CPNE9: variants seen among roughly 807,000 people sequenced by gnomAD.
CPNE9 encodes the protein copine-9.
CPNE9 carries 59 observed loss-of-function variants against 83.0 expected under a neutral mutation model. The ratio of observed to expected loss-of-function variants is 0.71; its 90% CI spans 0.58 to 0.88. CPNE9 has a LOEUF of 0.88. Ranked by LOEUF, CPNE9 falls within the 40% of genes least tolerant of loss-of-function variation. The probability of loss-of-function intolerance (pLI) is 0.00; values close to 1 mark genes in which losing one functional copy is unlikely to be tolerated. For synonymous variants in CPNE9, 256 were observed against 273.4 expected, an observed-to-expected ratio of 0.94 and a Z score of 0.63; for missense variants, 619 against 720.8, an observed-to-expected ratio of 0.86 and a Z score of 1.62.
intron 4 of CPNE9, 53 bp downstream of exon 4, chr3:9,705,047 C>A: frequency 7.3e-7 from 1 of 1,363,340 alleles, no homozygotes; most frequent in Non-Finnish European, 1.0e-6. Context: ...TGGATCCGCC[C>A]GGAATTCTGG....
At chr3:9,705,568 C>T (rs1270853700) in intron 5 of CPNE9, 68 bp downstream of exon 5, 2 of 1,576,274 alleles carry the variant, frequency 1.3e-6, no homozygotes, top group Non-Finnish European at 1.7e-6. Flanking sequence ...CAACGACTCT[C>T]AGAACTCCTC....
At chr3:9,715,102 C>A (rs921704085) in intron 11 of CPNE9, 147 bp downstream of exon 11, 3 of 905,516 alleles carry the variant, frequency 3.3e-6, no homozygotes, top group African/African-American at 1.7e-5. Context: ...CAACTGATCC[C>A]CCCAATTGTC....
At position 9,704,112 on chromosome 3, in the gene CPNE9, C is replaced by A; in HGVS notation, c.68+48C>A. 2 of 1,549,952 alleles carry A rather than the reference C, an allele frequency of 1.3e-6. No individual in the cohort carries two copies. Among genetic ancestry groups the A allele is most frequent in the East Asian group, 4.8e-5 (2 of 41,758 alleles). ...GGCTTAGGCACTGGCACTGCCCCAG[C>A]CCCAGCCAGCCGCGGGGCTCAGCCT... On this transcript the variant is annotated intron_variant, in intron 1 of 20. Transcript: ENST00000383832. This position sits in a 1 kb window ranked among gnomAD's most constrained non-coding sequence, Gnocchi z 7.1.
At chr3:9,725,344 G>A (rs1319643911) in intron 17 of CPNE9, among the ~76,000 whole-genome samples, 1 of 151,898 alleles carries the variant, frequency 6.6e-6, no homozygotes, top group Non-Finnish European at 1.5e-5. Flanking sequence ...AGACCAGCCT[G>A]GCCAACATGG....
rs773004027 is a variant in CPNE9 at position 9,718,187 on chromosome 3, C to T, written c.1090C>T (p.Arg364Trp). Residue 364 changes from arginine (R) to tryptophan (W), a missense_variant, in exon 16 of 21, where the codon CGG (arginine) becomes TGG (tryptophan). Coordinates refer to ENST00000383832, the MANE Select transcript of CPNE9 (RefSeq NM_153635.3). ...TGGGGCCAAGCTGCCCCCAGAGGGA[C>T]GGATCTCCCACCAGTTCCCCCTGGT... ...GFGAKLPPEG[R>W]ISHQFPLNNN... 10 of 1,612,714 alleles carry T rather than the reference C, an allele frequency of 6.2e-6. No individual in the cohort carries two copies. In the East Asian group the frequency reaches 6.7e-5, roughly 11 times the overall value.
Position 9,725,075 on chromosome 3 carries a change from G to A in CPNE9, c.1242-874G>A, listed in dbSNP as rs755285272. 9.2e-5 allele frequency among the ~76,000 whole-genome samples: 14 copies of A among 152,170 alleles called. No individual in the cohort carries two copies. The South Asian group carries it at 1.7e-3, about 18-fold the overall frequency. ...CCTGGCCAGGATCCCCTCTGGTACC[G>A]TCATAGCAGTGTCCCTTCCATCACA... On this transcript the variant is annotated intron_variant, in intron 17 of 20. Coordinates refer to ENST00000383832, the MANE Select transcript of CPNE9 (RefSeq NM_153635.3).
chr3:9,712,783 A>G lies in CPNE9; in HGVS notation c.500A>G (p.Lys167Arg). 6.2e-7 allele frequency: 1 copy of G among 1,614,164 alleles called. No individual in the cohort carries two copies. Among genetic ancestry groups the G allele is most frequent in the Non-Finnish European group, 8.5e-7 (1 of 1,180,020 alleles). Residue 167 changes from lysine to arginine, a missense_variant, in exon 9 of 21, where the codon AAA becomes AGA. By Grantham distance (26) the Lys-to-Arg change is conservative. Around this residue, in one of 3 missense-constraint regions of CPNE9, gnomAD observed 438 missense variants for 562.9 expected, o/e 0.78. Coordinates refer to ENST00000383832, the MANE Select transcript of CPNE9 (RefSeq NM_153635.3). Reference protein sequence around the residue: ...NKLDKKDFFGKSDPFLVFYRS... With the variant: ...NKLDKKDFFGRSDPFLVFYRS... ...CTGGACAAGAAGGACTTCTTTGGGA[A>G]ATCAGACCCCTTCCTTGTGTTCTAC...
chr3:9,718,419 G>A, intron 16 of CPNE9, 56 bp from the exon 17 acceptor site: 2 of 1,571,428 alleles, frequency 1.3e-6, no homozygotes, highest in Non-Finnish European at 1.7e-6. Flanking sequence ...TGGAATCAGA[G>A]CACTCCTGCA....
intron 17 of CPNE9, 50 bp from the exon 18 acceptor site, chr3:9,725,899 C>T: frequency 7.1e-7 from 1 of 1,413,102 alleles, no homozygotes. Flanking sequence ...TAAGGTGTTC[C>T]CTTGGCCTGT....
chr3:9,711,474 C>T (rs1325905489), intron 7 of CPNE9, among the ~76,000 whole-genome samples: 1 of 152,142 alleles, frequency 6.6e-6, no homozygotes, highest in Non-Finnish European at 1.5e-5. Context: ...GCCTAGGCCT[C>T]CCAAAGTGCT....
intron 7 of CPNE9, among the ~76,000 whole-genome samples, chr3:9,711,522 C>T (rs1050798202): frequency 3.3e-5 from 5 of 152,068 alleles, no homozygotes; most frequent in African/African-American, 9.7e-5. Flanking sequence ...CAGCCGTAGG[C>T]GAATAGAACC....
At chr3:9,706,697 G>C (rs1419237238) in intron 7 of CPNE9, among the ~76,000 whole-genome samples, 1 of 152,220 alleles carries the variant, frequency 6.6e-6, no homozygotes. Context: ...AGAATCAACG[G>C]AACTGGAAAT....
rs193046404 is a variant in CPNE9 at position 9,713,940 on chromosome 3, G to A, written c.650+861G>A. Among the ~76,000 whole-genome samples the A allele has an allele frequency of 2.7e-3, 409 of 152,198 alleles. 1 individual carries two copies. The highest frequency in any genetic ancestry group is 9.3e-3 in the African/African-American group (386 of 41,508). On this transcript the variant is annotated intron_variant, in intron 10 of 20. Transcript: ENST00000383832. Reference sequence around the variant, plus strand: ...CAAAAAAAATTAGCCGGGCGTGGTGGTGGGCGCCTGTAGTTCCAGCTACTC... The same window carrying A: ...CAAAAAAAATTAGCCGGGCGTGGTGATGGGCGCCTGTAGTTCCAGCTACTC...
chr3:9,705,604 T>A, intron 5 of CPNE9, 104 bp downstream of exon 5: 1 of 1,562,226 alleles, frequency 6.4e-7, no homozygotes, highest in South Asian at 1.1e-5. Context: ...GACCCCATCT[T>A]CTTCAGGCCC....
chr3:9,718,345 G>A lies in CPNE9; in HGVS notation c.1114-130G>A, dbSNP rs567452906. The A allele has an allele frequency of 4.7e-4, 662 of 1,400,776 alleles. 1 individual carries two copies. The highest frequency in any genetic ancestry group is 5.9e-4 in the Non-Finnish European group (601 of 1,019,818). 86.8% of individuals were successfully genotyped at this position (1,400,776 alleles called of 1,614,324 possible). On this transcript the variant is annotated intron_variant, in intron 16 of 20. Coordinates refer to ENST00000383832, the MANE Select transcript of CPNE9 (RefSeq NM_153635.3). ...CTATGAGAGGATAGCAGAGCAGGGA[G>A]GGGAGCAGGGCTGGGTTTGGAGGGG... is the stretch of plus-strand genomic sequence containing the variant.
At chr3:9,723,976 G>C (rs1467399401) in intron 17 of CPNE9, among the ~76,000 whole-genome samples, 2 of 152,160 alleles carry the variant, frequency 1.3e-5, no homozygotes, top group African/African-American at 4.8e-5. Context: ...GGCCAATATG[G>C]TACTCACCAA....
At chr3:9,727,650 G>A (rs1232419641) in intron 20 of CPNE9, among the ~76,000 whole-genome samples, 3 of 152,170 alleles carry the variant, frequency 2.0e-5, no homozygotes, top group East Asian at 3.9e-4. Flanking sequence ...CCCGATCCAC[G>A]AAAAAGCAGA....
intron 7 of CPNE9, among the ~76,000 whole-genome samples, chr3:9,712,034 G>A (rs1339524354): frequency 6.6e-6 from 1 of 152,146 alleles, no homozygotes; most frequent in African/African-American, 2.4e-5. Flanking sequence ...TAGCAGAGCC[G>A]GAGAGAGCCA....
chr3:9,714,072 C>CAATAAATA (rs59251577), intron 10 of CPNE9, among the ~76,000 whole-genome samples: 3,157 of 148,968 alleles, frequency 0.021, 40 homozygotes, highest in African/African-American at 0.028. Flanking sequence ...GACTCCGTCT[C>CAATAAATA]AATAAATAAA....
Sources: gnomAD v4.1 joint callset for allele counts (sites outside exome capture counted in the v4.1 genomes callset) on GRCh38, gnomAD v4.1.1 for gene constraint, gnomAD v4.1.1 regional missense constraint, Gnocchi (gnomAD v3.1) non-coding constraint, MANE v1.5 for transcripts, NCBI Gene and HGNC (gene_info 2026-07-23, HGNC 2026-07-21) for gene names.